The following SUSD1 variants were observed in gnomAD, a reference collection of about 807,000 sequenced individuals.
The protein encoded by SUSD1 is sushi domain-containing protein 1.
SUSD1 carries 65 observed loss-of-function variants against 86.9 expected under a neutral mutation model. That is an observed-to-expected ratio of 0.75 (90% CI 0.61 to 0.92). The LOEUF (loss-of-function observed/expected upper bound fraction) is 0.92. SUSD1 is among the 40% of genes least tolerant of loss of function. The pLI, the probability that SUSD1 is intolerant of heterozygous loss-of-function variation, is 0.00. For synonymous variants in SUSD1, 346 were observed against 350.0 expected (o/e 0.99, Z 0.13); for missense variants, 850 against 929.7 (o/e 0.91, Z 1.11).
At chr9:112,128,142 G>T (rs956232820) in intron 5 of SUSD1, among the ~76,000 whole-genome samples, 2 of 151,950 alleles carry the variant, frequency 1.3e-5, no homozygotes, top group East Asian at 3.8e-4. Flanking sequence ...GCCCAGGCTG[G>T]AGTGCAGTGG....
intron 9 of SUSD1, among the ~76,000 whole-genome samples, chr9:112,101,053 G>C (rs1466339343): frequency 1.3e-5 from 2 of 151,588 alleles, no homozygotes; most frequent in Non-Finnish European, 2.9e-5. Flanking sequence ...TATACTTCTG[G>C]TAAATAGAAT....
chr9:112,073,983 G>A (rs956310139), intron 12 of SUSD1, among the ~76,000 whole-genome samples: 1 of 152,164 alleles, frequency 6.6e-6, no homozygotes, highest in African/African-American at 2.4e-5. Context: ...TTGGGAGGCC[G>A]AAGTGGGCGG....
chr9:112,067,564 G>A (rs985495607), intron 12 of SUSD1, among the ~76,000 whole-genome samples: 25 of 152,238 alleles, frequency 1.6e-4, no homozygotes, highest in African/African-American at 6.0e-4. Flanking sequence ...ACACGGTAGG[G>A]AAGTGGTCCT....
chr9:112,054,372 C>T (rs1828354701), intron 14 of SUSD1, among the ~76,000 whole-genome samples: 1 of 152,094 alleles, frequency 6.6e-6, no homozygotes. Context: ...AGCGCTTAAG[C>T]CCAGGAGTTT....
rs1262953487 is a variant in SUSD1, at chr9:112,145,278, CT to C, written c.374-1656del. Among the ~76,000 whole-genome samples, 154 of 107,438 alleles carry C rather than the reference CT, an allele frequency of 1.4e-3. No individual in the cohort carries two copies. In the East Asian group the frequency reaches 0.015, roughly 10 times the overall value. The allele number at this position is 107,438 out of a possible 152,430, so 70.5% of individuals were successfully genotyped here. A position where few individuals can be genotyped will look rare whatever the true frequency, so the allele number is the denominator to read the frequency against. ...AAAAAGCTAGTAATACCATAATTTC[CT>C]TTTTTTTTTTTTTTTTTTGAGACAG... is the stretch of plus-strand genomic sequence containing the variant. On this transcript the variant is annotated intron_variant, in intron 3 of 16. Transcript: ENST00000374270.
chr9:112,101,823 G>A (rs372326533), intron 9 of SUSD1, among the ~76,000 whole-genome samples: 2 of 152,118 alleles, frequency 1.3e-5, no homozygotes, highest in South Asian at 2.1e-4. Context: ...TCCAGCCTGG[G>A]CAACAAGAGC....
chr9:112,108,444 G>A (rs556309390), intron 8 of SUSD1, among the ~76,000 whole-genome samples: 3 of 151,626 alleles, frequency 2.0e-5, no homozygotes, highest in South Asian at 2.1e-4. Flanking sequence ...GCTGTGCACC[G>A]TGACTCAAGA....
Position 112,041,349 on chromosome 9 carries a change from G to T in SUSD1, c.*143C>A. On this transcript the variant is annotated 3_prime_UTR_variant, in exon 17 of 17. Transcript: ENST00000374270. ...GCCACCATCTTAAATCCAGGAATGG[G>T]GCCCAGCTGGGAATGGAGAAAGTTG... is the stretch of plus-strand genomic sequence containing the variant. 1.4e-6 allele frequency: 1 copy of T among 720,052 alleles called. No homozygotes were observed. Among genetic ancestry groups the T allele is most frequent in the Non-Finnish European group, 2.6e-6 (1 of 390,668 alleles). The allele number at this position is 720,052 out of a possible 1,614,324, so 44.6% of individuals were successfully genotyped here. A position where few individuals can be genotyped will look rare whatever the true frequency, so the allele number is the denominator to read the frequency against.
chr9:112,139,048 T>C (rs963203244), intron 5 of SUSD1, among the ~76,000 whole-genome samples: 3 of 152,168 alleles, frequency 2.0e-5, no homozygotes, highest in African/African-American at 7.2e-5. Context: ...ATGGACATGA[T>C]TAGATATACC....
At chr9:112,087,113 T>C (rs994021292) in intron 10 of SUSD1, among the ~76,000 whole-genome samples, 3 of 152,000 alleles carry the variant, frequency 2.0e-5, no homozygotes, top group Non-Finnish European at 4.4e-5. Flanking sequence ...TAAACTGAAA[T>C]AAGTATCCTC....
At chr9:112,059,817 C>G (rs2118970725) in intron 13 of SUSD1, among the ~76,000 whole-genome samples, 1 of 152,326 alleles carries the variant, frequency 6.6e-6, no homozygotes, top group East Asian at 1.9e-4. Context: ...TGGTACTTAG[C>G]TCCTGCCTCT....
At chr9:112,128,291 G>C (rs1321125066) in intron 5 of SUSD1, among the ~76,000 whole-genome samples, 1 of 151,226 alleles carries the variant, frequency 6.6e-6, no homozygotes, top group East Asian at 1.9e-4. Context: ...ATGGGGTTTT[G>C]CCATGTTGCC....
chr9:112,129,755 A>G (rs1831934784), intron 5 of SUSD1, among the ~76,000 whole-genome samples: 1 of 152,178 alleles, frequency 6.6e-6, no homozygotes, highest in South Asian at 2.1e-4. Flanking sequence ...TTGTCTTATA[A>G]TTCTTGTACC....
At position 112,059,216 on chromosome 9, in the gene SUSD1, A is replaced by T. The variant is rs138499140; in HGVS notation, c.1851-530T>A. On this transcript the variant is annotated intron_variant, in intron 13 of 16. Transcript: ENST00000374270. ...ATTCCAGTTTGAACCTAAAGGGTTA[A>T]TGCCAGACGACACAGGGCAAGGGAC... Among the ~76,000 whole-genome samples the T allele has an allele frequency of 7.5e-4, 114 of 152,372 alleles. 1 individual carries two copies. The highest frequency in any genetic ancestry group is 2.7e-3 in the African/African-American group (111 of 41,586).
In SUSD1 at chr9:112,116,463, G is replaced by A. The variant is rs527447538; in HGVS notation, c.887-3595C>T. Among the ~76,000 whole-genome samples, 228 of 152,280 alleles carry A rather than the reference G, an allele frequency of 1.5e-3. 1 individual carries two copies. Among genetic ancestry groups the A allele is most frequent in the African/African-American group, 5.1e-3 (213 of 41,556 alleles). On this transcript the variant is annotated intron_variant, in intron 6 of 16. Transcript: ENST00000374270. ...GAGACTATATGCCCTCATTCCAATA[G>A]TGCTGATAACTGAAAACATTTCTGG...
intron 5 of SUSD1, among the ~76,000 whole-genome samples, chr9:112,131,575 C>T (rs1213128564): frequency 3.3e-5 from 5 of 152,104 alleles, no homozygotes; most frequent in African/African-American, 1.2e-4. Flanking sequence ...TAGGTAGTTC[C>T]TACTAAGAAA....
rs149595029 is a variant in SUSD1 at position 112,074,373 on chromosome 9, T to A, written c.1753+4165A>T. On this transcript the variant is annotated intron_variant, in intron 12 of 16. Transcript: ENST00000374270. Reference sequence around the variant, plus strand: ...CTGAAGAATTCAGTTCAATGTGCCGTCTGCAGCCTATCAGCCAAGAGTCAG... The same window carrying A: ...CTGAAGAATTCAGTTCAATGTGCCGACTGCAGCCTATCAGCCAAGAGTCAG... Among the ~76,000 whole-genome samples, 199 of 152,296 alleles carry A rather than the reference T, an allele frequency of 1.3e-3. 1 individual carries two copies. Among genetic ancestry groups the A allele is most frequent in the African/African-American group, 4.5e-3 (189 of 41,548 alleles).
intron 2 of SUSD1, among the ~76,000 whole-genome samples, chr9:112,156,350 T>C (rs1038834004): frequency 6.6e-6 from 1 of 151,240 alleles, no homozygotes; most frequent in African/African-American, 2.4e-5. Flanking sequence ...TAATCCCAGC[T>C]ACTCAAGAGG....
intron 6 of SUSD1, among the ~76,000 whole-genome samples, chr9:112,119,165 CA>C (rs1029354860): frequency 2.4e-4 from 37 of 152,276 alleles, no homozygotes; most frequent in African/African-American, 8.9e-4. Flanking sequence ...AAGCTTACTT[CA>C]AAAGGGTTTT....
Sources: allele counts gnomAD v4.1 joint callset (sites outside exome capture counted in the v4.1 genomes callset), GRCh38; gene constraint gnomAD v4.1.1; transcripts MANE v1.5; gene names NCBI Gene and HGNC (gene_info 2026-07-23, HGNC 2026-07-21).